HECTD2: variants seen among roughly 807,000 people sequenced by gnomAD.
HECTD2 encodes the protein probable E3 ubiquitin-protein ligase HECTD2.
A neutral mutation model predicts 103.2 loss-of-function variants in HECTD2; 35 were observed. The observed-to-expected ratio is 0.34, with a 90% CI of 0.26 to 0.45. HECTD2 has a LOEUF of 0.45. Among genes scored for constraint, HECTD2 ranks in the 20% least tolerant of loss-of-function variants. The probability of loss-of-function intolerance (pLI) is 1.00; values close to 1 mark genes in which losing one functional copy is unlikely to be tolerated. For missense variants in HECTD2, 596 were observed against 937.4 expected (o/e 0.64, Z 4.76); for synonymous variants, 281 against 329.9 (o/e 0.85, Z 1.61).
chr10:91,484,699 C>T, intron 9 of HECTD2, 44 bp downstream of exon 9: 2 of 1,444,478 alleles, frequency 1.4e-6, no homozygotes, highest in South Asian at 1.3e-5. Context: ...TCTTTTGTTA[C>T]ATTTTAGGGA....
At chr10:91,471,127 A>T (rs1207441505) in intron 5 of HECTD2, among the ~76,000 whole-genome samples, 1 of 152,200 alleles carries the variant, frequency 6.6e-6, no homozygotes, top group Non-Finnish European at 1.5e-5. Context: ...ATCCACCATG[A>T]TCAAGTAACC....
chr10:91,428,364 T>G (rs974174051), intron 2 of HECTD2, among the ~76,000 whole-genome samples: 50 of 150,914 alleles, frequency 3.3e-4, no homozygotes, highest in Non-Finnish European at 6.5e-4. Context: ...ATGCGGGCTC[T>G]TTTTTGGTTC....
intron 20 of HECTD2, among the ~76,000 whole-genome samples, chr10:91,504,071 C>CTGT (rs1451345405): frequency 6.6e-6 from 1 of 152,116 alleles, no homozygotes; most frequent in African/African-American, 2.4e-5. Flanking sequence ...AGGGTCCTGT[C>CTGT]TGTTAGAAGG....
chr10:91,460,577 C>G lies in HECTD2; in HGVS notation c.407+12C>G. 1 of 1,602,796 alleles carries G rather than the reference C, an allele frequency of 6.2e-7. No individual in the cohort carries two copies. The highest frequency in any genetic ancestry group is 8.5e-7 in the Non-Finnish European group (1 of 1,175,812). On this transcript the variant is annotated intron_variant, in intron 3 of 20. Coordinates refer to ENST00000298068, the MANE Select transcript of HECTD2 (RefSeq NM_182765.6). ...GTGAAAGACTTTCAGTAAGTTTCAG[C>G]TATTATATGTAAATGTATAGTCATC...
At chr10:91,481,174 G>A in intron 7 of HECTD2, 35 bp downstream of exon 7, 1 of 1,182,714 alleles carries the variant, frequency 8.5e-7, no homozygotes, top group Non-Finnish European at 1.2e-6. Flanking sequence ...AGTTGTCTAA[G>A]TCAGATCTCA....
intron 2 of HECTD2, among the ~76,000 whole-genome samples, chr10:91,429,606 G>T (rs1843744025): frequency 6.6e-6 from 1 of 152,156 alleles, no homozygotes; most frequent in African/African-American, 2.4e-5. Flanking sequence ...TTTAGTCTTG[G>T]CAGAGTGTAT....
At chr10:91,432,795 C>G (rs887257817) in intron 2 of HECTD2, among the ~76,000 whole-genome samples, 1 of 151,918 alleles carries the variant, frequency 6.6e-6, no homozygotes, top group Admixed American at 6.6e-5. Context: ...CTTGATATGA[C>G]ATAATGAATT....
chr10:91,496,744 A>G (rs531904956), intron 15 of HECTD2, among the ~76,000 whole-genome samples: 2 of 152,116 alleles, frequency 1.3e-5, no homozygotes, highest in Non-Finnish European at 2.9e-5. Context: ...CTAGATTTGT[A>G]TGAAAATTTG....
At chr10:91,443,450 G>A (rs111936662) in intron 2 of HECTD2, among the ~76,000 whole-genome samples, 2,218 of 151,092 alleles carry the variant, frequency 0.015, 30 homozygotes, top group Middle Eastern at 0.037. Flanking sequence ...CCTTCCTCTG[G>A]AAGCTTTGTC....
At chr10:91,420,184 C>G (rs1843292631) in intron 1 of HECTD2, among the ~76,000 whole-genome samples, 1 of 151,300 alleles carries the variant, frequency 6.6e-6, no homozygotes, top group Non-Finnish European at 1.5e-5. Flanking sequence ...TTCATGTCAT[C>G]TCAAGTATAA....
At chr10:91,478,042 C>G (rs1845971075) in intron 5 of HECTD2, among the ~76,000 whole-genome samples, 159 bp from the exon 6 acceptor site, 1 of 152,118 alleles carries the variant, frequency 6.6e-6, no homozygotes, top group South Asian at 2.1e-4. Context: ...TTGATGCTCT[C>G]TAGAGTTCTT....
chr10:91,505,422 A>T (rs920651327), intron 20 of HECTD2, among the ~76,000 whole-genome samples: 6 of 152,302 alleles, frequency 3.9e-5, no homozygotes, highest in Non-Finnish European at 8.8e-5. Context: ...AAAGGGATGG[A>T]GGAAGATCTA....
upstream of HECTD2, among the ~76,000 whole-genome samples, chr10:91,409,655 G>A (rs906704769): frequency 6.6e-6 from 1 of 152,202 alleles, no homozygotes; most frequent in Non-Finnish European, 1.5e-5. Context: ...CCCACCTCCA[G>A]GCTTTTCCTG....
chr10:91,500,395 AC>A, intron 18 of HECTD2, 106 bp from the exon 19 acceptor site: 3 of 387,066 alleles, frequency 7.8e-6, no homozygotes, highest in East Asian at 5.0e-5. Flanking sequence ...GGTTTGATTT[AC>A]TATGAGAAAT....
At chr10:91,420,258 G>A (rs1325943083) in intron 1 of HECTD2, among the ~76,000 whole-genome samples, 1 of 145,516 alleles carries the variant, frequency 6.9e-6, no homozygotes, top group South Asian at 2.2e-4. Context: ...TTTTTTCTAT[G>A]TTGTTTAAGC....
intron 2 of HECTD2, among the ~76,000 whole-genome samples, chr10:91,450,646 C>T (rs111866072): frequency 0.13 from 20,353 of 151,344 alleles, 3,091 homozygotes; most frequent in African/African-American, 0.38. Context: ...GGCTAATATC[C>T]AGAATCTACA....
At chr10:91,447,807 T>A (rs1844642319) in intron 2 of HECTD2, among the ~76,000 whole-genome samples, 1 of 8,810 alleles carries the variant, frequency 1.1e-4, no homozygotes, top group Non-Finnish European at 2.0e-4. Context: ...GGGCATTACA[T>A]AATGGTAAAG....
intron 2 of HECTD2, among the ~76,000 whole-genome samples, chr10:91,455,972 G>A (rs1295522985): frequency 1.3e-5 from 2 of 152,128 alleles, no homozygotes; most frequent in South Asian, 2.1e-4. Flanking sequence ...TTTGGTTACT[G>A]TAGCCTTGTA....
chr10:91,429,845 A>G (rs1478500478), intron 2 of HECTD2, among the ~76,000 whole-genome samples: 1 of 152,052 alleles, frequency 6.6e-6, no homozygotes, highest in Admixed American at 6.5e-5. Flanking sequence ...GGATTCATTA[A>G]TTTTTTGAAG....
Sources: allele counts gnomAD v4.1 joint callset (sites outside exome capture counted in the v4.1 genomes callset), GRCh38; gene constraint gnomAD v4.1.1; transcripts MANE v1.5; gene names NCBI Gene and HGNC (gene_info 2026-07-23, HGNC 2026-07-21).